HS6ST2: variants seen among roughly 807,000 people sequenced by gnomAD.
HS6ST2 encodes the protein heparan sulfate 6-O-sulfotransferase 2.
Under a neutral mutation model 33.0 loss-of-function variants are expected in HS6ST2, and 17 were observed. That is an observed-to-expected ratio of 0.52 (90% confidence interval 0.35 to 0.77). The LOEUF is 0.77. Among genes scored for constraint, HS6ST2 ranks in the 30% least tolerant of loss-of-function variants. HS6ST2 has a pLI of 0.01. For missense variants in HS6ST2, 519 were observed against 551.7 expected, an observed-to-expected ratio of 0.94 and a Z score of 0.59; for synonymous variants, 248 against 237.1, an observed-to-expected ratio of 1.05 and a Z score of -0.42.
At chrX:132,785,291 A>G (rs2065051496) in intron 2 of HS6ST2, among the ~76,000 whole-genome samples, 1 of 112,162 alleles carries the variant, frequency 8.9e-6, no homozygotes, top group Admixed American at 9.5e-5. Flanking sequence ...TGGCAACTCT[A>G]TCACACAAGA....
chrX:132,789,576 T>G (rs949789078), intron 2 of HS6ST2, among the ~76,000 whole-genome samples: 18 of 112,249 alleles, frequency 1.6e-4, no homozygotes, highest in African/African-American at 5.8e-4. Context: ...GTCTTATCAT[T>G]TAATAAATAC....
rs184373193 is a variant in HS6ST2 at position 132,700,386 on chromosome X, G to A, written c.980+8076C>T. Among the ~76,000 whole-genome samples the A allele has an allele frequency of 3.4e-3, 378 of 110,776 alleles. 1 individual carries two copies. Among genetic ancestry groups the A allele is most frequent in the African/African-American group, 0.012 (356 of 30,506 alleles). ...GAAGCTTCATGGTAGCACAGTGACC[G>A]TCATTTTTTTCTGAGGTGCAATTTT... On this transcript the variant is annotated intron_variant, in intron 3 of 4. Transcript: ENST00000370833.
At chrX:132,874,651 A>T (rs896988760) in intron 2 of HS6ST2, among the ~76,000 whole-genome samples, 1 of 112,076 alleles carries the variant, frequency 8.9e-6, no homozygotes, top group African/African-American at 3.2e-5. Flanking sequence ...GTCATGATAG[A>T]GACCTCCACA....
At chrX:132,669,780 A>G (rs1231000748) in intron 3 of HS6ST2, 1 of 112,645 alleles carries the variant, frequency 8.9e-6, no homozygotes, top group Non-Finnish European at 1.9e-5. Flanking sequence ...TCCACCTTCA[A>G]TAACTCCACA....
At chrX:132,777,629 T>C (rs1289987455) in intron 2 of HS6ST2, among the ~76,000 whole-genome samples, 1 of 98,361 alleles carries the variant, frequency 1.0e-5, no homozygotes, top group Non-Finnish European at 2.0e-5. Flanking sequence ...GGATTTTCAG[T>C]AGAGACGAGG....
chrX:132,653,899 T>C (rs959309045), intron 4 of HS6ST2, among the ~76,000 whole-genome samples: 6 of 111,277 alleles, frequency 5.4e-5, no homozygotes, highest in Non-Finnish European at 5.7e-5. Flanking sequence ...TCAAGGAAGA[T>C]AGTTCTAACA....
intron 2 of HS6ST2, among the ~76,000 whole-genome samples, chrX:132,731,964 C>G (rs969232403): frequency 1.8e-5 from 2 of 111,768 alleles, no homozygotes; most frequent in African/African-American, 6.5e-5. Context: ...ACTCATATTT[C>G]AGGGCCGCCC....
intron 2 of HS6ST2, among the ~76,000 whole-genome samples, chrX:132,735,880 C>T (rs972909959): frequency 9.0e-6 from 1 of 111,204 alleles, no homozygotes; most frequent in Non-Finnish European, 1.9e-5. Context: ...CACTCTGTTA[C>T]CCAGAGTGGA....
At chrX:132,783,851 TCTC>T (rs1284216234) in intron 2 of HS6ST2, among the ~76,000 whole-genome samples, 1 of 111,191 alleles carries the variant, frequency 9.0e-6, no homozygotes, top group Non-Finnish European at 1.9e-5. Context: ...AAAAGTCTCC[TCTC>T]CATAGACTTT....
intron 2 of HS6ST2, among the ~76,000 whole-genome samples, chrX:132,817,596 C>T (rs1282473342): frequency 9.0e-6 from 1 of 111,076 alleles, no homozygotes; most frequent in Non-Finnish European, 1.9e-5. Flanking sequence ...AGAATGATTC[C>T]TAAGATGAAA....
At chrX:132,906,220 A>G (rs963472047) in intron 2 of HS6ST2, among the ~76,000 whole-genome samples, 4 of 112,355 alleles carry the variant, frequency 3.6e-5, no homozygotes, top group Non-Finnish European at 7.5e-5. Context: ...TATAAACTTC[A>G]AAGAGGTCTT....
intron 2 of HS6ST2, among the ~76,000 whole-genome samples, chrX:132,770,215 T>G (rs2064884688): frequency 8.9e-6 from 1 of 111,736 alleles, no homozygotes; most frequent in Admixed American, 9.5e-5. Context: ...GTTTTACACA[T>G]GAGAAAACAG....
intron 2 of HS6ST2, among the ~76,000 whole-genome samples, chrX:132,925,865 A>T (rs1297568797): frequency 8.9e-6 from 1 of 112,036 alleles, no homozygotes; most frequent in Non-Finnish European, 1.9e-5. Flanking sequence ...TCTCACTTAC[A>T]TACAGTATTT....
chrX:132,747,347 A>G (rs17000317), intron 2 of HS6ST2, among the ~76,000 whole-genome samples: 1,330 of 111,923 alleles, frequency 0.012, 15 homozygotes, highest in African/African-American at 0.041. Flanking sequence ...CAAGGCATAT[A>G]ACATAGGAAA....
intron 2 of HS6ST2, among the ~76,000 whole-genome samples, chrX:132,795,801 G>A (rs1331240275): frequency 9.0e-6 from 1 of 110,960 alleles, no homozygotes; most frequent in Admixed American, 9.6e-5. Context: ...TAGGGACAGG[G>A]TTTTGCCATG....
chrX:132,678,426 C>T (rs1033035451), intron 3 of HS6ST2, among the ~76,000 whole-genome samples: 4 of 112,132 alleles, frequency 3.6e-5, no homozygotes, highest in African/African-American at 1.3e-4. Context: ...ATTGAAAATG[C>T]CTTCTGGGGT....
In HS6ST2 at chrX:132,927,354, G is replaced by A. The variant is rs935171263; in HGVS notation, c.947+29454C>T. Among the ~76,000 whole-genome samples the A allele has an allele frequency of 3.6e-5, 4 of 111,255 alleles. No homozygotes were observed. The South Asian group carries it at 1.5e-3, about 43-fold the overall frequency. On this transcript the variant is annotated intron_variant, in intron 2 of 4. Coordinates refer to ENST00000370833, the MANE Select transcript of HS6ST2 (RefSeq NM_001394073.1). ...CCAGCCCCTTCACACAGAAGCCAGA[G>A]GAATTCAGTAAAAACACAAATCAAA...
rs1301567943 is a variant in HS6ST2, at chrX:132,730,188, T to TA, written c.948-21695dup. Among the ~76,000 whole-genome samples the TA allele has an allele frequency of 8.9e-5, 10 of 111,826 alleles. No individual in the cohort carries two copies. In the Admixed American group the frequency reaches 9.5e-4, roughly 11 times the overall value. ...CTTCTTCAGGGAGCTTCTCTTCCCT[T>TA]ACACTGCGCTGCCACTACAATAACA... On this transcript the variant is annotated intron_variant, in intron 2 of 4. Transcript: ENST00000370833.
chrX:132,744,466 C>T (rs1046915678), intron 2 of HS6ST2, among the ~76,000 whole-genome samples: 3 of 112,024 alleles, frequency 2.7e-5, no homozygotes, highest in Non-Finnish European at 5.6e-5. Flanking sequence ...CTTTTTTACT[C>T]AAATGTGGTT....
Sources: gnomAD v4.1 joint callset for allele counts (sites outside exome capture counted in the v4.1 genomes callset) on GRCh38, gnomAD v4.1.1 for gene constraint, MANE v1.5 for transcripts, NCBI Gene and HGNC (gene_info 2026-07-23, HGNC 2026-07-21) for gene names.